Variants in ASH1L observed in about 807,000 individuals in gnomAD.
ASH1L encodes the protein histone-lysine N-methyltransferase ASH1L.
ASH1L carries 23 observed loss-of-function variants against 269.0 expected under a neutral mutation model. The ratio of observed to expected loss-of-function variants is 0.09; its 90% confidence interval spans 0.06 to 0.12. The LOEUF is 0.12. Among genes scored for constraint, ASH1L ranks in the 10% least tolerant of loss-of-function variants. The pLI, the probability that ASH1L is intolerant of heterozygous loss-of-function variation, is 1.00. For missense variants in ASH1L, 2,912 were observed against 3,567.8 expected (o/e 0.82, Z 4.68); for synonymous variants, 1,187 against 1,253.5 (o/e 0.95, Z 1.12).
intron 5 of ASH1L, among the ~76,000 whole-genome samples, chr1:155,417,083 C>T (rs778077191): frequency 1.3e-5 from 2 of 151,834 alleles, no homozygotes; most frequent in Non-Finnish European, 2.9e-5. Context: ...AGGCATGTGC[C>T]ACCACACCCA....
In ASH1L at chr1:155,353,769, T is replaced by C. The variant is rs117422065; in HGVS notation, c.7213+704A>G. On this transcript the variant is annotated intron_variant, in intron 16 of 27. Transcript: ENST00000392403. ...TGACCCGTCCCCAGCTGAATCTGAA[T>C]GTGAGATAAAAAGGTCTTCAAACTG... 7.2e-4 allele frequency among the ~76,000 whole-genome samples: 110 copies of C among 152,278 alleles called. No homozygotes were observed. The East Asian group carries it at 0.02, about 27-fold the overall frequency.
At chr1:155,528,582 C>G (rs1036949672) in intron 1 of ASH1L, among the ~76,000 whole-genome samples, 1 of 152,096 alleles carries the variant, frequency 6.6e-6, no homozygotes, top group African/African-American at 2.4e-5. Flanking sequence ...GGCAGACTTG[C>G]CTCTTACTGA....
intron 10 of ASH1L, among the ~76,000 whole-genome samples, chr1:155,371,470 C>T (rs1279570977): frequency 6.6e-6 from 1 of 152,122 alleles, no homozygotes; most frequent in African/African-American, 2.4e-5. Context: ...GTCCCTTGAA[C>T]CTGTGAGGTG....
chr1:155,501,218 C>G (rs1403360429), intron 2 of ASH1L, among the ~76,000 whole-genome samples: 3 of 152,068 alleles, frequency 2.0e-5, no homozygotes, highest in Non-Finnish European at 4.4e-5. Flanking sequence ...TTTTTAAAAT[C>G]AGAAATGGGG....
chr1:155,542,131 A>T (rs1670464034), intron 1 of ASH1L, among the ~76,000 whole-genome samples: 1 of 148,608 alleles, frequency 6.7e-6, no homozygotes, highest in Admixed American at 6.7e-5. Context: ...GGGGAGGGGG[A>T]TAGGAATGTA....
rs1654473779 is a variant in ASH1L at position 155,357,109 on chromosome 1, AC to A, written c.7055+206del. Reference sequence around the variant, plus strand: ...CACACACACACACACACACACACACACACACACACAAAAGGGTAAGACTTAA... The same window carrying A: ...CACACACACACACACACACACACACAACACACACAAAAGGGTAAGACTTAA... On this transcript the variant is annotated intron_variant, in intron 15 of 27. Coordinates refer to ENST00000392403, the MANE Select transcript of ASH1L (RefSeq NM_018489.3). Among the ~76,000 whole-genome samples, 3 of 118,658 alleles carry A rather than the reference AC, an allele frequency of 2.5e-5. No homozygotes were observed. In the South Asian group the frequency reaches 9.6e-4, roughly 38 times the overall value. The allele number at this position is 118,658 out of a possible 152,430, so 77.8% of individuals were successfully genotyped here.
chr1:155,406,250 T>C (rs1269339398), intron 6 of ASH1L, among the ~76,000 whole-genome samples: 1 of 149,364 alleles, frequency 6.7e-6, no homozygotes, highest in Non-Finnish European at 1.5e-5. Flanking sequence ...CAAATTGATC[T>C]AGAGTCTGTG....
intron 12 of ASH1L, among the ~76,000 whole-genome samples, chr1:155,363,126 G>C (rs1255426095): frequency 6.6e-6 from 1 of 152,072 alleles, no homozygotes; most frequent in Non-Finnish European, 1.5e-5. Flanking sequence ...TGGGATTACA[G>C]GCACATGCCA....
At chr1:155,461,808 T>TG (rs1159614259) in intron 3 of ASH1L, among the ~76,000 whole-genome samples, 65 of 150,838 alleles carry the variant, frequency 4.3e-4, no homozygotes, top group Middle Eastern at 3.4e-3. Flanking sequence ...GAGGGTTTTT[T>TG]TTTTTTTTTT....
Position 155,375,826 on chromosome 1 carries a change from C to T in ASH1L, c.6332+2455G>A, listed in dbSNP as rs1181160427. Among the ~76,000 whole-genome samples the T allele has an allele frequency of 2.0e-5, 3 of 149,914 alleles. No individual in the cohort carries two copies. The Admixed American group carries it at 2.0e-4, about 10-fold the overall frequency. On this transcript the variant is annotated intron_variant, in intron 10 of 27. Transcript: ENST00000392403. ...AAAAAAAAAAGAAAAATGAGACAGT[C>T]GCACCCCAGCCAGCTACTAAACGTA... is the stretch of plus-strand genomic sequence containing the variant.
In ASH1L at chr1:155,337,748, A is replaced by G. The variant is rs1466401750; in HGVS notation, c.8807T>C (p.Ile2936Thr). The change falls in exon 28 of 28, where the codon ATT becomes ACT. Residue 2936 changes from isoleucine (I) to threonine (T), a missense_variant. Transcript: ENST00000392403. ...LLEKIPGKNA[I>T]DVTYLLEEGS... ...TTCCTCCAGCAAGTAGGTCACATCA[A>G]TGGCTGAAAACAGAACCAAGGAGGC... 5.0e-6 allele frequency: 8 copies of G among 1,613,888 alleles called. No individual in the cohort carries two copies. The highest frequency in any genetic ancestry group is 6.8e-6 in the Non-Finnish European group (8 of 1,179,754).
chr1:155,365,003 G>T (rs973256525), intron 12 of ASH1L, among the ~76,000 whole-genome samples: 5 of 149,782 alleles, frequency 3.3e-5, no homozygotes, highest in Non-Finnish European at 7.4e-5. Context: ...TAATAAACTT[G>T]CTTTCACTTT....
At chr1:155,517,035 C>G (rs1027007583) in intron 2 of ASH1L, among the ~76,000 whole-genome samples, 4 of 152,150 alleles carry the variant, frequency 2.6e-5, no homozygotes, top group Non-Finnish European at 5.9e-5. Flanking sequence ...CTAAAGTGAT[C>G]TGTAGATTCA....
intron 1 of ASH1L, among the ~76,000 whole-genome samples, chr1:155,534,022 C>G (rs751900189): frequency 6.6e-6 from 1 of 151,362 alleles, no homozygotes; most frequent in Non-Finnish European, 1.5e-5. Context: ...ACTTTAAGTG[C>G]TTTCTTTCCT....
At chr1:155,352,656 AAG>A in intron 17 of ASH1L, 48 bp downstream of exon 17, 1 of 1,520,170 alleles carries the variant, frequency 6.6e-7, no homozygotes, top group African/African-American at 1.4e-5. Flanking sequence ...TTAAAAAAAA[AAG>A]AAAAAGAAAA....
intron 1 of ASH1L, among the ~76,000 whole-genome samples, chr1:155,539,123 T>G (rs1322726004): frequency 2.6e-5 from 4 of 152,108 alleles, no homozygotes; most frequent in Non-Finnish European, 5.9e-5. Flanking sequence ...TCTAAAATCT[T>G]TTGGTATCTT....
intron 1 of ASH1L, among the ~76,000 whole-genome samples, chr1:155,540,258 T>C (rs566421226): frequency 6.6e-6 from 1 of 152,306 alleles, no homozygotes; most frequent in Non-Finnish European, 1.5e-5. Context: ...CCTGCTATAT[T>C]AATTTTGTGC....
chr1:155,404,266 T>C (rs569874630), intron 6 of ASH1L, among the ~76,000 whole-genome samples: 1 of 152,044 alleles, frequency 6.6e-6, no homozygotes, highest in South Asian at 2.1e-4. Context: ...TGAGGTAAGA[T>C]GAACGCTTGA....
chr1:155,358,209 G>A (rs1654587660), intron 13 of ASH1L, among the ~76,000 whole-genome samples: 1 of 152,058 alleles, frequency 6.6e-6, no homozygotes, highest in Non-Finnish European at 1.5e-5. Flanking sequence ...ATAGAAATGG[G>A]TTTCCACTGG....
Sources: gnomAD v4.1 joint callset for allele counts (sites outside exome capture counted in the v4.1 genomes callset) on GRCh38, gnomAD v4.1.1 for gene constraint, MANE v1.5 for transcripts, NCBI Gene and HGNC (gene_info 2026-07-23, HGNC 2026-07-21) for gene names.